Variants in UNC13C observed in about 807,000 individuals in gnomAD.
The protein encoded by UNC13C is protein unc-13 homolog C.
Under a neutral mutation model 245.4 loss-of-function variants are expected in UNC13C, and 174 were observed. That is an observed-to-expected ratio of 0.71 (90% CI 0.63 to 0.80). The LOEUF is 0.80. Among genes scored for constraint, UNC13C ranks in the 30% least tolerant of loss-of-function variants. The pLI is 0.00. For missense variants in UNC13C, 2,829 were observed against 2,602.9 expected, an observed-to-expected ratio of 1.09 and a Z score of -1.89; for synonymous variants, 992 against 895.1, an observed-to-expected ratio of 1.11 and a Z score of -1.93.
chr15:53,951,104 G>T, the UNC13C span, among the ~76,000 whole-genome samples: 1 of 152,046 alleles, frequency 6.6e-6, no homozygotes, highest in East Asian at 1.9e-4. Context: ...TCATTTCTAA[G>T]GTCCTTTTGC....
intron 4 of UNC13C, among the ~76,000 whole-genome samples, chr15:54,158,873 AAACTCATGACCTC>A (rs1431986664): frequency 2.0e-5 from 3 of 152,032 alleles, no homozygotes; most frequent in African/African-American, 7.2e-5. Context: ...GGCTGTTCTC[AAACTCATGACCTC>A]AAGTAATCCT....
Position 54,257,796 on chromosome 15 carries a change from G to C in UNC13C, c.3449-6372G>C, listed in dbSNP as rs548636268. 2.6e-5 allele frequency among the ~76,000 whole-genome samples: 4 copies of C among 152,332 alleles called. No homozygotes were observed. The East Asian group carries it at 7.7e-4, about 29-fold the overall frequency. On this transcript the variant is annotated intron_variant, in intron 8 of 32. Coordinates refer to ENST00000260323, the MANE Select transcript of UNC13C (RefSeq NM_001080534.3). The stretch of plus-strand genomic sequence containing the variant: ...AGAAAAAGGAGCCTGCTAACTTGAA[G>C]ACTGGGGGAGTTGCAGGTCTGTTCC...
At chr15:54,374,214 C>A (rs2039555638) in intron 17 of UNC13C, among the ~76,000 whole-genome samples, 1 of 152,160 alleles carries the variant, frequency 6.6e-6, no homozygotes, top group Non-Finnish European at 1.5e-5. Flanking sequence ...ACCATAAGTT[C>A]TCATTCCAGT....
At chr15:53,859,749 G>T in the UNC13C span, among the ~76,000 whole-genome samples, 2,640 of 152,246 alleles carry the variant, frequency 0.017, 52 homozygotes, top group South Asian at 0.027. Context: ...CTGTTTCCCA[G>T]ATCCTGCTTT....
chr15:54,566,020 C>A (rs1344269337), intron 29 of UNC13C, among the ~76,000 whole-genome samples: 4 of 151,916 alleles, frequency 2.6e-5, no homozygotes, highest in Non-Finnish European at 5.9e-5. Context: ...AAGACTGGGG[C>A]TTACCTGAGA....
chr15:54,317,462 A>G (rs950486111), intron 13 of UNC13C, among the ~76,000 whole-genome samples: 1 of 151,928 alleles, frequency 6.6e-6, no homozygotes, highest in Admixed American at 6.6e-5. Flanking sequence ...TATTTGCTTA[A>G]CCATCTCAAA....
chr15:54,480,718 C>G (rs1893059260), intron 19 of UNC13C, among the ~76,000 whole-genome samples: 2 of 152,118 alleles, frequency 1.3e-5, no homozygotes, highest in Admixed American at 6.5e-5. Flanking sequence ...ATTTCCTTTT[C>G]TATGAAATTT....
At chr15:54,348,103 T>C (rs2038900628) in intron 17 of UNC13C, among the ~76,000 whole-genome samples, 1 of 152,216 alleles carries the variant, frequency 6.6e-6, no homozygotes, top group African/African-American at 2.4e-5. Flanking sequence ...CTGATTCATG[T>C]ATGTACAGTT....
chr15:53,975,935 T>C (rs981985724), upstream of UNC13C, among the ~76,000 whole-genome samples: 5 of 152,218 alleles, frequency 3.3e-5, no homozygotes, highest in Admixed American at 6.5e-5. Context: ...CTGTGTTGTT[T>C]AATGTTATTA....
chr15:54,475,285 TTATTATTA>T (rs1567307584), intron 19 of UNC13C, among the ~76,000 whole-genome samples: 11 of 103,712 alleles, frequency 1.1e-4, no homozygotes, highest in East Asian at 8.5e-4. Flanking sequence ...TTTTTGTTTA[TTATTATTA>T]TTATTATTAT....
At chr15:54,505,744 C>CTT (rs3083161) in intron 22 of UNC13C, among the ~76,000 whole-genome samples, 46,526 of 129,596 alleles carry the variant, frequency 0.36, 8,785 homozygotes, top group Middle Eastern at 0.48. Flanking sequence ...AAGCTATATT[C>CTT]TTTTTTTTTT....
intron 19 of UNC13C, among the ~76,000 whole-genome samples, chr15:54,430,693 G>A (rs920241280): frequency 6.6e-6 from 1 of 151,646 alleles, no homozygotes; most frequent in African/African-American, 2.4e-5. Flanking sequence ...TGCACTAACT[G>A]AATAAAATTT....
chr15:54,293,405 T>C (rs1249860184), intron 10 of UNC13C, among the ~76,000 whole-genome samples: 3 of 152,046 alleles, frequency 2.0e-5, no homozygotes, highest in South Asian at 2.1e-4. Flanking sequence ...TTCTACTTGA[T>C]TTAATAATAT....
At position 54,084,475 on chromosome 15, in the gene UNC13C, T is replaced by A. The variant is rs115288171; in HGVS notation, c.2984-58543T>A. Reference sequence around the variant, plus strand: ...CTGGCTTTATAAATTCCCAGCCTTGTGTTTGAATTATTTTCCACGTAATTT... The same window carrying A: ...CTGGCTTTATAAATTCCCAGCCTTGAGTTTGAATTATTTTCCACGTAATTT... On this transcript the variant is annotated intron_variant, in intron 2 of 32. Transcript: ENST00000260323. 6.2e-3 allele frequency among the ~76,000 whole-genome samples: 942 copies of A among 152,356 alleles called. 14 individuals are homozygous for A. Among genetic ancestry groups the A allele is most frequent in the African/African-American group, 0.022 (911 of 41,584 alleles).
intron 8 of UNC13C, among the ~76,000 whole-genome samples, chr15:54,255,138 T>C (rs922215426): frequency 1.3e-5 from 2 of 152,130 alleles, no homozygotes. Flanking sequence ...AGTAGGCATA[T>C]GTTACAGGGT....
At chr15:53,970,299 T>C in the UNC13C span, among the ~76,000 whole-genome samples, 19 of 152,224 alleles carry the variant, frequency 1.2e-4, no homozygotes, top group African/African-American at 4.3e-4. Flanking sequence ...AAACTCCTTA[T>C]CTCAGGTGAT....
intron 29 of UNC13C, among the ~76,000 whole-genome samples, 164 bp from the exon 30 acceptor site, chr15:54,567,636 A>G (rs527936174): frequency 3.7e-4 from 57 of 152,302 alleles, no homozygotes; most frequent in African/African-American, 1.3e-3. Flanking sequence ...AGGGACCTGA[A>G]TTAGACGTTA....
chr15:54,511,827 G>A lies in UNC13C; in HGVS notation c.5454G>A (p.Lys1818=), dbSNP rs1287566506. 1.9e-6 allele frequency: 3 copies of A among 1,604,000 alleles called. No individual in the cohort carries two copies. The highest frequency in any genetic ancestry group is 8.5e-7 in the Non-Finnish European group (1 of 1,174,306). Residue 1818 remains lysine, a synonymous_variant, in exon 24 of 33, where the codon AAG becomes AAA. Transcript: ENST00000260323. ...AAATGTTTGAATCCATGGGAGGGAA[G>A]GAGGTGGGTATCTTTTTCTCCTACA... ...LEKMFESMGG[K]ELDSEASTIL...
chr15:54,164,308 A>T (rs2033087113), intron 4 of UNC13C, among the ~76,000 whole-genome samples: 1 of 152,202 alleles, frequency 6.6e-6, no homozygotes, highest in African/African-American at 2.4e-5. Flanking sequence ...CCATCTTTTT[A>T]AAAAATTGTA....
Sources: gnomAD v4.1 joint callset for allele counts (sites outside exome capture counted in the v4.1 genomes callset) on GRCh38, gnomAD v4.1.1 for gene constraint, MANE v1.5 for transcripts, NCBI Gene and HGNC (gene_info 2026-07-23, HGNC 2026-07-21) for gene names.